Variants in LIMS1 observed in about 807,000 individuals in gnomAD.
LIMS1 encodes the protein LIM zinc finger domain containing 1.
Under a neutral mutation model 44.1 loss-of-function variants are expected in LIMS1, and 18 were observed. The observed-to-expected ratio is 0.41, with a 90% CI of 0.28 to 0.61. The LOEUF (loss-of-function observed/expected upper bound fraction) is 0.61, where lower values mean the gene tolerates loss of function less well. Among genes scored for constraint, LIMS1 ranks in the 20% least tolerant of loss-of-function variants. The probability of loss-of-function intolerance (pLI) is 0.32; values close to 1 mark genes in which losing one functional copy is unlikely to be tolerated. For synonymous variants in LIMS1, 93 were observed against 149.1 expected (o/e 0.62, Z 2.74); for missense variants, 201 against 422.0 (o/e 0.48, Z 4.59).
chr2:108,540,079 T>C (rs1228005906), intron 1 of LIMS1, among the ~76,000 whole-genome samples: 1 of 151,920 alleles, frequency 6.6e-6, no homozygotes, highest in Admixed American at 6.6e-5. Context: ...TGTAAACTTA[T>C]TCCAACTGGC....
chr2:108,536,787 T>C (rs2104561389), intron 1 of LIMS1, among the ~76,000 whole-genome samples: 1 of 152,282 alleles, frequency 6.6e-6, no homozygotes, highest in East Asian at 1.9e-4. Context: ...TTCGCCATGT[T>C]GTCCAGGCTA....
chr2:108,676,238 G>A (rs989417374), intron 6 of LIMS1, among the ~76,000 whole-genome samples: 3 of 152,194 alleles, frequency 2.0e-5, no homozygotes, highest in Non-Finnish European at 2.9e-5. Flanking sequence ...AATATATAAT[G>A]TACACTGCTT....
At chr2:108,633,012 TC>T (rs569315356) in intron 1 of LIMS1, among the ~76,000 whole-genome samples, 48 of 152,308 alleles carry the variant, frequency 3.2e-4, no homozygotes, top group South Asian at 6.2e-4. Context: ...GACTCCCTTG[TC>T]CCCTTCCCCC....
intron 1 of LIMS1, among the ~76,000 whole-genome samples, chr2:108,555,661 AT>A (rs1350186789): frequency 6.6e-6 from 1 of 152,214 alleles, no homozygotes; most frequent in Admixed American, 6.5e-5. Context: ...TGTGGTGATT[AT>A]TCCACTGTTC....
At chr2:108,595,537 C>T (rs1686633452) in intron 1 of LIMS1, among the ~76,000 whole-genome samples, 1 of 152,154 alleles carries the variant, frequency 6.6e-6, no homozygotes, top group Non-Finnish European at 1.5e-5. Flanking sequence ...CCTTGGTCTT[C>T]TTTCTTCTTG....
At chr2:108,564,437 G>C (rs1685226908) in intron 1 of LIMS1, among the ~76,000 whole-genome samples, 2 of 152,112 alleles carry the variant, frequency 1.3e-5, no homozygotes, top group Admixed American at 6.5e-5. Flanking sequence ...ACCCTTAGTA[G>C]CTCCGAGGTA....
chr2:108,651,583 G>A (rs1271851425), intron 1 of LIMS1, among the ~76,000 whole-genome samples: 1 of 152,136 alleles, frequency 6.6e-6, no homozygotes, highest in Admixed American at 6.5e-5. Flanking sequence ...CATAAAACCA[G>A]GTCATGTTAA....
At chr2:108,545,024 T>C (rs1393444043) in intron 1 of LIMS1, among the ~76,000 whole-genome samples, 1 of 152,198 alleles carries the variant, frequency 6.6e-6, no homozygotes, top group Admixed American at 6.5e-5. Flanking sequence ...ATCCCAAACA[T>C]CGATTTTATT....
chr2:108,562,584 T>C lies in LIMS1; in HGVS notation c.32+27990T>C, dbSNP rs576454021. The stretch of plus-strand genomic sequence containing the variant: ...AAGCAAGGCCCTAACTCTTCAATTC[T>C]ATGAAGGTGGAGAGAGGTGAGGAAG... On this transcript the variant is annotated intron_variant, in intron 1 of 9. Coordinates refer to ENST00000544547, the Ensembl canonical transcript of LIMS1. 6.6e-5 allele frequency among the ~76,000 whole-genome samples: 10 copies of C among 152,326 alleles called. No individual in the cohort carries two copies. The South Asian group carries it at 2.1e-3, about 32-fold the overall frequency.
At chr2:108,683,735 GTTAGGATTATGGTT>G (rs1356286980) in intron 9 of LIMS1, 136 bp from the exon 10 acceptor site, 3 of 420,476 alleles carry the variant, frequency 7.1e-6, no homozygotes, top group Admixed American at 4.2e-5. Flanking sequence ...AAGAATTGAG[GTTAGGATTATGGTT>G]TTTTTACTAA....
At chr2:108,633,861 G>A (rs1689068293) in intron 1 of LIMS1, among the ~76,000 whole-genome samples, 1 of 151,848 alleles carries the variant, frequency 6.6e-6, no homozygotes, top group South Asian at 2.1e-4. Flanking sequence ...TTACACACAG[G>A]TGTGTGTGTG....
At chr2:108,548,893 C>CA (rs1161865129) in intron 1 of LIMS1, among the ~76,000 whole-genome samples, 2 of 152,180 alleles carry the variant, frequency 1.3e-5, no homozygotes, top group Non-Finnish European at 2.9e-5. Context: ...TTTGCACTGT[C>CA]ATGCTTTCCA....
At chr2:108,566,205 C>A (rs1205433653) in intron 1 of LIMS1, among the ~76,000 whole-genome samples, 3 of 152,138 alleles carry the variant, frequency 2.0e-5, no homozygotes, top group Admixed American at 2.0e-4. Flanking sequence ...ACAGTCTTCC[C>A]TACTTTCCTT....
In LIMS1 at chr2:108,662,421, A is replaced by G; in HGVS notation, c.192+2657A>G. 3.3e-6 allele frequency: 5 copies of G among 1,496,260 alleles called. No homozygotes were observed. In the South Asian group the frequency reaches 4.9e-5, roughly 15 times the overall value. 92.7% of individuals were successfully genotyped at this position (1,496,260 alleles called of 1,614,324 possible). ...TGCCCACCCCTCACACTGGACTATA[A>G]ATACCCTCCCTGGGTCTGTGTGCTG... On this transcript the variant is annotated intron_variant, in intron 2 of 9. Coordinates refer to ENST00000544547, the Ensembl canonical transcript of LIMS1.
chr2:108,667,824 G>A (rs1691887841), intron 2 of LIMS1, among the ~76,000 whole-genome samples: 1 of 151,956 alleles, frequency 6.6e-6, no homozygotes, highest in South Asian at 2.1e-4. Context: ...TATAACCTAT[G>A]CACATCCTCC....
At chr2:108,629,447 G>A (rs1212281996) in intron 1 of LIMS1, among the ~76,000 whole-genome samples, 3 of 152,138 alleles carry the variant, frequency 2.0e-5, no homozygotes, top group Admixed American at 2.0e-4. Flanking sequence ...CTAGAGGTTG[G>A]ATTATTTCAA....
At chr2:108,614,569 T>G (rs1267648351) in intron 1 of LIMS1, among the ~76,000 whole-genome samples, 6 of 152,194 alleles carry the variant, frequency 3.9e-5, no homozygotes, top group African/African-American at 7.2e-5. Flanking sequence ...GAAATAAAAG[T>G]TTTTGGAAAA....
intron 1 of LIMS1, among the ~76,000 whole-genome samples, chr2:108,545,765 C>T (rs1684462268): frequency 6.6e-6 from 1 of 152,146 alleles, no homozygotes; most frequent in Middle Eastern, 3.2e-3. Flanking sequence ...AGATGCACCT[C>T]TTTCATAATA....
At chr2:108,581,541 A>T (rs116845169) in intron 1 of LIMS1, among the ~76,000 whole-genome samples, 1 of 152,108 alleles carries the variant, frequency 6.6e-6, no homozygotes, top group East Asian at 1.9e-4. Flanking sequence ...TTTTTCTTTT[A>T]TAGTAACTTT....
Sources: gnomAD v4.1 joint callset for allele counts (sites outside exome capture counted in the v4.1 genomes callset) on GRCh38, gnomAD v4.1.1 for gene constraint, MANE v1.5 for transcripts, NCBI Gene and HGNC (gene_info 2026-07-23, HGNC 2026-07-21) for gene names.